ZNF565: variants seen among roughly 807,000 people sequenced by gnomAD.
ZNF565 encodes zinc finger protein 565.
A neutral mutation model predicts 39.4 loss-of-function variants in ZNF565; 27 were observed. The ratio of observed to expected loss-of-function variants is 0.69; its 90% CI spans 0.51 to 0.95. ZNF565 has a LOEUF of 0.95. ZNF565 is among the 40% of genes least tolerant of loss of function. The pLI is 0.00. For synonymous variants in ZNF565, 185 were observed against 216.6 expected, an observed-to-expected ratio of 0.85 and a Z score of 1.28; for missense variants, 524 against 621.1, an observed-to-expected ratio of 0.84 and a Z score of 1.66.
chr19:36,220,632 C>T (rs1976796458), intron 1 of ZNF565, among the ~76,000 whole-genome samples: 1 of 152,140 alleles, frequency 6.6e-6, no homozygotes, highest in African/African-American at 2.4e-5. Flanking sequence ...TCCCAAAGCG[C>T]TGGGATTACA....
chr19:36,218,934 A>G (rs1483117914), upstream of ZNF565, among the ~76,000 whole-genome samples: 3 of 150,498 alleles, frequency 2.0e-5, no homozygotes, highest in African/African-American at 7.3e-5. Flanking sequence ...TTAGCCTCCC[A>G]AGTAGCTGGG....
chr19:36,244,139 C>CT (rs79794490), intron 1 of ZNF565, among the ~76,000 whole-genome samples: 100,189 of 151,984 alleles, frequency 0.66, 33,067 homozygotes, highest in Middle Eastern at 0.73. Context: ...GTCTGTGTGT[C>CT]TGAGTGGCTG....
Position 36,182,403 on chromosome 19 carries a change from A to G in ZNF565, c.*63T>C. On this transcript the variant is annotated 3_prime_UTR_variant, in exon 5 of 5. Coordinates refer to ENST00000304116, the MANE Select transcript of ZNF565 (RefSeq NM_152477.5). ...AATTACACTACATTAAAAATTACCT[A>G]GTACTGAGCCAGATGTGAACTCCAC... 3 of 1,422,848 alleles carry G rather than the reference A, an allele frequency of 2.1e-6. No homozygotes were observed. Among genetic ancestry groups the G allele is most frequent in the Non-Finnish European group, 2.8e-6 (3 of 1,059,576 alleles). The allele number at this position is 1,422,848 out of a possible 1,614,324, so 88.1% of individuals were successfully genotyped here.
At chr19:36,241,126 T>TA (rs1364938469) in intron 1 of ZNF565, among the ~76,000 whole-genome samples, 1 of 152,198 alleles carries the variant, frequency 6.6e-6, no homozygotes, top group Non-Finnish European at 1.5e-5. Flanking sequence ...AATCAATTGA[T>TA]ACACTGTGGG....
intron 4 of ZNF565, among the ~76,000 whole-genome samples, chr19:36,188,960 G>A (rs1975423610): frequency 6.6e-6 from 1 of 152,156 alleles, no homozygotes; most frequent in Non-Finnish European, 1.5e-5. Context: ...ATTTACATGA[G>A]ATACCTAGAA....
intron 2 of ZNF565, among the ~76,000 whole-genome samples, chr19:36,198,002 AG>A (rs1975826218): frequency 6.6e-6 from 1 of 152,072 alleles, no homozygotes; most frequent in African/African-American, 2.4e-5. Context: ...ACAAAAAATT[AG>A]CTGGGCATGG....
At position 36,183,694 on chromosome 19, in the gene ZNF565, A is replaced by C; in HGVS notation, c.272T>G (p.Ile91Ser). ...SRCEKFLQKDIFEIGAFNWEI... is the reference protein window; with the variant it reads ...SRCEKFLQKDSFEIGAFNWEI... ...CCAGTTGAATGCCCCGATTTCAAAAATGTCTTTTTGTAGAAATTTCTCACA... is the reference window on the plus strand; with the variant it reads ...CCAGTTGAATGCCCCGATTTCAAAACTGTCTTTTTGTAGAAATTTCTCACA... The change falls in exon 5 of 5, where the codon ATT becomes AGT. Residue 91 changes from isoleucine to serine, a missense_variant. Coordinates refer to ENST00000304116, the MANE Select transcript of ZNF565 (RefSeq NM_152477.5). 6.2e-7 allele frequency: 1 copy of C among 1,612,610 alleles called. No individual in the cohort carries two copies. Among genetic ancestry groups the C allele is most frequent in the Non-Finnish European group, 8.5e-7 (1 of 1,179,136 alleles).
intron 1 of ZNF565, chr19:36,237,370 C>A: frequency 6.5e-7 from 1 of 1,534,012 alleles, no homozygotes; most frequent in African/African-American, 1.4e-5. Context: ...GAAATTTGCA[C>A]CTCATCATGC....
In ZNF565 at chr19:36,239,346, A is replaced by G. The variant is rs570024146; in HGVS notation, c.55+6130T>C. ...TAATATCTTTTTTTTTTTTTTTCCCATCTTGCTCTGTTGCCCAGGCCAGAA... is the reference window on the plus strand; with the variant it reads ...TAATATCTTTTTTTTTTTTTTTCCCGTCTTGCTCTGTTGCCCAGGCCAGAA... On this transcript the variant is annotated intron_variant, in intron 1 of 4. Transcript: ENST00000355114. Among the ~76,000 whole-genome samples the G allele has an allele frequency of 2.7e-4, 35 of 131,900 alleles. No individual in the cohort carries two copies. The South Asian group carries it at 8.0e-3, about 30-fold the overall frequency. The allele number at this position is 131,900 out of a possible 152,430, so 86.5% of individuals were successfully genotyped here.
chr19:36,239,913 C>A (rs1368188852), intron 1 of ZNF565, among the ~76,000 whole-genome samples: 1 of 152,132 alleles, frequency 6.6e-6, no homozygotes, highest in Non-Finnish European at 1.5e-5. Flanking sequence ...TAATATACAG[C>A]ATTTGAGCTT....
At chr19:36,235,218 AAAG>A (rs1042296793) in intron 1 of ZNF565, among the ~76,000 whole-genome samples, 18 of 140,574 alleles carry the variant, frequency 1.3e-4, no homozygotes, top group African/African-American at 2.0e-4. Flanking sequence ...AAAAAAAAAA[AAAG>A]AAGAAAGAAA....
intron 1 of ZNF565, among the ~76,000 whole-genome samples, chr19:36,210,241 C>T (rs537794698): frequency 1.5e-4 from 23 of 151,450 alleles, no homozygotes; most frequent in African/African-American, 4.4e-4. Context: ...ACTATCATGA[C>T]GAAAACCCGT....
At chr19:36,232,235 A>T (rs1003753025) in intron 1 of ZNF565, among the ~76,000 whole-genome samples, 1 of 151,976 alleles carries the variant, frequency 6.6e-6, no homozygotes, top group African/African-American at 2.4e-5. Flanking sequence ...GTGACTACAA[A>T]TATGAACATA....
intron 1 of ZNF565, among the ~76,000 whole-genome samples, chr19:36,242,498 G>A (rs2918378): frequency 6.6e-6 from 1 of 151,582 alleles, no homozygotes; most frequent in Non-Finnish European, 1.5e-5. Context: ...GAGGGCTGAG[G>A]TGGGTGGATC....
chr19:36,221,781 G>C (rs929214014), intron 1 of ZNF565, among the ~76,000 whole-genome samples: 1 of 150,846 alleles, frequency 6.6e-6, no homozygotes, highest in African/African-American at 2.4e-5. Context: ...TGGGTTTTTT[G>C]TTTTTTGTTC....
intron 1 of ZNF565, among the ~76,000 whole-genome samples, chr19:36,230,173 G>A (rs1214485486): frequency 2.6e-5 from 4 of 152,172 alleles, no homozygotes; most frequent in Non-Finnish European, 5.9e-5. Context: ...GGAATACAGG[G>A]TCAAAGTTAT....
chr19:36,224,055 T>C (rs1342262375), intron 1 of ZNF565, among the ~76,000 whole-genome samples: 1 of 152,190 alleles, frequency 6.6e-6, no homozygotes, highest in Non-Finnish European at 1.5e-5. Flanking sequence ...CTTTTTCCAA[T>C]TGGCTACCAC....
chr19:36,205,937 C>G (rs1976133857), intron 1 of ZNF565, among the ~76,000 whole-genome samples: 1 of 151,926 alleles, frequency 6.6e-6, no homozygotes, highest in Non-Finnish European at 1.5e-5. Flanking sequence ...AAGTCCCTGT[C>G]CCAGTTGATC....
At position 36,195,170 on chromosome 19, in the gene ZNF565, C is replaced by T; in HGVS notation, c.10-14G>A. 9 of 1,611,538 alleles carry T rather than the reference C, an allele frequency of 5.6e-6. No homozygotes were observed. The highest frequency in any genetic ancestry group is 7.6e-6 in the Non-Finnish European group (9 of 1,178,428). On this transcript the variant is annotated splice_polypyrimidine_tract_variant and intron_variant, in intron 2 of 4. Transcript: ENST00000304116. The stretch of plus-strand genomic sequence containing the variant: ...TGTCACCAGTCCCTGAAACAATAAA[C>T]CCACGCATTAGTGTACATTAAGAAA...
Sources: gnomAD v4.1 joint callset for allele counts (sites outside exome capture counted in the v4.1 genomes callset) on GRCh38, gnomAD v4.1.1 for gene constraint, MANE v1.5 for transcripts, NCBI Gene and HGNC (gene_info 2026-07-23, HGNC 2026-07-21) for gene names.